SLC16A7: variants seen among roughly 807,000 people sequenced by gnomAD.
SLC16A7 encodes monocarboxylate transporter 2.
Under a neutral mutation model 34.9 loss-of-function variants are expected in SLC16A7, and 33 were observed. The ratio of observed to expected loss-of-function variants is 0.94; its 90% CI spans 0.72 to 1.26. The LOEUF (loss-of-function observed/expected upper bound fraction) is 1.26. Ranked by LOEUF, SLC16A7 falls within the 50% of genes most tolerant of loss-of-function variation. The pLI, the probability that SLC16A7 is intolerant of heterozygous loss-of-function variation, is 0.00. For missense variants in SLC16A7, 573 were observed against 578.1 expected (o/e 0.99, Z 0.09); for synonymous variants, 201 against 206.6 (o/e 0.97, Z 0.23).
chr12:59,655,337 A>C (rs1247603302), intron 2 of SLC16A7, 87 bp downstream of exon 2: 1 of 151,844 alleles, frequency 6.6e-6, no homozygotes, highest in East Asian at 1.9e-4. Context: ...TCTTAATGTG[A>C]ATGGTAGTAT....
chr12:59,760,831 T>G lies in SLC16A7; in HGVS notation c.218-10388T>G, dbSNP rs143726388. 2.6e-5 allele frequency among the ~76,000 whole-genome samples: 4 copies of G among 152,234 alleles called. No homozygotes were observed. In the East Asian group the frequency reaches 7.7e-4, roughly 29 times the overall value. ...TTATTTATTTCTGGAATTTTCCATT[T>G]AATATTTTTGGACCTTTGTTGACCA... On this transcript the variant is annotated intron_variant, in intron 3 of 5. Coordinates refer to ENST00000547379, the MANE Select transcript of SLC16A7 (RefSeq NM_001270623.2).
chr12:59,751,313 C>G (rs757765816), intron 3 of SLC16A7, among the ~76,000 whole-genome samples: 1 of 152,186 alleles, frequency 6.6e-6, no homozygotes, highest in African/African-American at 2.4e-5. Context: ...TTGCCTCACT[C>G]GGGAAGCGCA....
At chr12:59,641,984 A>G (rs1429535852) in intron 1 of SLC16A7, among the ~76,000 whole-genome samples, 3 of 152,008 alleles carry the variant, frequency 2.0e-5, no homozygotes, top group African/African-American at 7.2e-5. Context: ...CTAGCAAACC[A>G]TATGTTTTCT....
At chr12:59,643,449 C>T (rs941375864) in intron 1 of SLC16A7, among the ~76,000 whole-genome samples, 1 of 152,112 alleles carries the variant, frequency 6.6e-6, no homozygotes, top group African/African-American at 2.4e-5. Flanking sequence ...TTTATTGGCC[C>T]TCTAGGCACT....
chr12:59,731,245 T>C (rs1481447075), intron 3 of SLC16A7, among the ~76,000 whole-genome samples: 3 of 152,052 alleles, frequency 2.0e-5, no homozygotes, highest in Non-Finnish European at 4.4e-5. Context: ...AAATCATGAG[T>C]TAAGTGGTAG....
intron 2 of SLC16A7, among the ~76,000 whole-genome samples, chr12:59,667,991 G>A (rs948314225): frequency 6.6e-6 from 1 of 152,228 alleles, no homozygotes; most frequent in Non-Finnish European, 1.5e-5. Flanking sequence ...TCCACGTGGT[G>A]TTGAGCCTGT....
chr12:59,644,851 C>T (rs1235624557), intron 1 of SLC16A7, among the ~76,000 whole-genome samples: 4 of 152,040 alleles, frequency 2.6e-5, no homozygotes, highest in Admixed American at 6.6e-5. Context: ...TGCAAACCTG[C>T]GAGGTTTAAG....
intron 1 of SLC16A7, among the ~76,000 whole-genome samples, chr12:59,614,925 C>A (rs1170845015): frequency 6.6e-6 from 1 of 151,030 alleles, no homozygotes; most frequent in East Asian, 1.9e-4. Flanking sequence ...ATCACTTGAG[C>A]CCGGGAGGTG....
At chr12:59,669,555 A>G (rs1440312892) in intron 2 of SLC16A7, among the ~76,000 whole-genome samples, 2 of 151,954 alleles carry the variant, frequency 1.3e-5, no homozygotes, top group Non-Finnish European at 2.9e-5. Context: ...ACATTTAACC[A>G]TCAGAAAGTT....
At chr12:59,642,552 G>A (rs1168239559) in intron 1 of SLC16A7, among the ~76,000 whole-genome samples, 1 of 151,994 alleles carries the variant, frequency 6.6e-6, no homozygotes, top group Non-Finnish European at 1.5e-5. Context: ...AATGTACATT[G>A]CATTAGTGGA....
chr12:59,754,533 T>C (rs1382706006), intron 3 of SLC16A7, among the ~76,000 whole-genome samples: 2 of 152,184 alleles, frequency 1.3e-5, no homozygotes, highest in Non-Finnish European at 2.9e-5. Context: ...CCTCGACACG[T>C]ACACCCTCCC....
chr12:59,736,777 C>G (rs369317751), intron 3 of SLC16A7, among the ~76,000 whole-genome samples: 6 of 152,216 alleles, frequency 3.9e-5, no homozygotes, highest in South Asian at 4.1e-4. Context: ...TCCTGATCAT[C>G]TGTCCTCCTT....
intron 3 of SLC16A7, among the ~76,000 whole-genome samples, chr12:59,756,410 G>C (rs912179469): frequency 6.6e-6 from 1 of 151,822 alleles, no homozygotes; most frequent in Non-Finnish European, 1.5e-5. Flanking sequence ...AAATATACAA[G>C]AGAAAAACAA....
chr12:59,614,863 C>T (rs538626125), intron 1 of SLC16A7, among the ~76,000 whole-genome samples: 6 of 140,162 alleles, frequency 4.3e-5, no homozygotes, highest in East Asian at 4.4e-4. Flanking sequence ...ATTAGCCAGG[C>T]GTGGTGGTGG....
rs1272274255 is a variant in SLC16A7, at chr12:59,596,536, G to T, written c.-130+300G>T. Among the ~76,000 whole-genome samples, 2 of 152,130 alleles carry T rather than the reference G, an allele frequency of 1.3e-5. No homozygotes were observed. Among genetic ancestry groups the T allele is most frequent in the South Asian group, 4.1e-4 (2 of 4,820 alleles). ...GGCAAGGAGCGCCTCGCGTGCTTTC[G>T]GCCAGGAGGTGCTCACGCTCTCGGC... On this transcript the variant is annotated intron_variant, in intron 1 of 5. Transcript: ENST00000547379. This position sits in a 1 kb window ranked among gnomAD's most constrained non-coding sequence, Gnocchi z 5.0.
chr12:59,671,079 C>T (rs1271379311), intron 2 of SLC16A7, among the ~76,000 whole-genome samples: 3 of 152,302 alleles, frequency 2.0e-5, no homozygotes, highest in East Asian at 3.9e-4. Flanking sequence ...AGAGGGTCCT[C>T]TACGGTCATT....
intron 2 of SLC16A7, among the ~76,000 whole-genome samples, chr12:59,666,883 A>G (rs747715096): frequency 7.9e-5 from 12 of 152,210 alleles, no homozygotes; most frequent in Non-Finnish European, 1.8e-4. Flanking sequence ...AGAACTGGGT[A>G]ACAGGCAGAG....
intron 1 of SLC16A7, among the ~76,000 whole-genome samples, chr12:59,610,107 C>T (rs575531029): frequency 2.3e-4 from 35 of 152,124 alleles, no homozygotes; most frequent in Admixed American, 1.6e-3. Context: ...TGTTTTCTTC[C>T]GAGGTAGAGT....
At chr12:59,714,465 C>G (rs1316070525) in intron 3 of SLC16A7, among the ~76,000 whole-genome samples, 1 of 152,158 alleles carries the variant, frequency 6.6e-6, no homozygotes, top group Non-Finnish European at 1.5e-5. Context: ...GGTGGGGCCT[C>G]TCTCTTCGGC....
Sources: gnomAD v4.1 joint callset for allele counts (sites outside exome capture counted in the v4.1 genomes callset) on GRCh38, gnomAD v4.1.1 for gene constraint, Gnocchi (gnomAD v3.1) non-coding constraint, MANE v1.5 for transcripts, NCBI Gene and HGNC (gene_info 2026-07-23, HGNC 2026-07-21) for gene names.